Variants in DMD observed in about 807,000 individuals in gnomAD.
DMD encodes the protein dystrophin.
DMD carries 63 observed loss-of-function variants against 330.1 expected under a neutral mutation model. That is an observed-to-expected ratio of 0.19 (90% CI 0.16 to 0.24). The LOEUF is 0.24. DMD is among the 10% of genes least tolerant of loss of function. The pLI, the probability that DMD is intolerant of heterozygous loss-of-function variation, is 1.00. For synonymous variants in DMD, 1,223 were observed against 959.8 expected (o/e 1.27, Z -5.07); for missense variants, 3,344 against 2,684.1 (o/e 1.25, Z -5.43).
intron 9 of DMD, among the ~76,000 whole-genome samples, chrX:32,688,028 C>G (rs778061197): frequency 2.7e-5 from 3 of 110,745 alleles, no homozygotes; most frequent in East Asian, 5.7e-4. Flanking sequence ...CTTAAGAGGC[C>G]CTTCCTAAAG....
intron 54 of DMD, among the ~76,000 whole-genome samples, chrX:31,648,026 T>A (rs1475751154): frequency 8.9e-6 from 1 of 112,350 alleles, no homozygotes; most frequent in Non-Finnish European, 1.9e-5. Flanking sequence ...TTCCCCCATG[T>A]TTTTTATTGA....
intron 2 of DMD, among the ~76,000 whole-genome samples, chrX:32,927,982 T>C (rs1031197331): frequency 1.6e-4 from 18 of 111,514 alleles, no homozygotes; most frequent in Non-Finnish European, 3.4e-4. Context: ...TAGGCCAACA[T>C]GTATACACAA....
At chrX:32,461,380 T>G (rs2098382863) in intron 25 of DMD, among the ~76,000 whole-genome samples, 1 of 111,254 alleles carries the variant, frequency 9.0e-6, no homozygotes, top group African/African-American at 3.3e-5. Flanking sequence ...GGCTACAAAG[T>G]CAGAACATGG....
chrX:33,096,111 T>A (rs12858439), intron 1 of DMD, among the ~76,000 whole-genome samples: 4,223 of 107,681 alleles, frequency 0.039, 93 homozygotes, highest in Non-Finnish European at 0.064. Context: ...AGTAGCTGGG[T>A]CTACAGGCGC....
intron 45 of DMD, among the ~76,000 whole-genome samples, chrX:31,956,039 G>A (rs759321622): frequency 2.7e-5 from 3 of 111,781 alleles, no homozygotes; most frequent in African/African-American, 9.8e-5. Flanking sequence ...CTAAAGTGTT[G>A]TGTAGATCTT....
chrX:31,394,484 T>G lies in DMD; in HGVS notation c.9085-45850A>C, dbSNP rs753592412. Among the ~76,000 whole-genome samples, 42 of 112,496 alleles carry G rather than the reference T, an allele frequency of 3.7e-4. 1 individual carries two copies. The highest frequency in any genetic ancestry group is 1.0e-3 in the Admixed American group (11 of 10,617). ...AGGACACATTTTTAAACTAGTGCAT[T>G]TTTCTCTTACAATTAAATCGATATT... On this transcript the variant is annotated intron_variant, in intron 60 of 78. Transcript: ENST00000357033.
intron 51 of DMD, among the ~76,000 whole-genome samples, chrX:31,755,584 G>C (rs1196463782): frequency 2.7e-5 from 3 of 111,568 alleles, no homozygotes; most frequent in African/African-American, 9.8e-5. Flanking sequence ...AGTTGGCCTT[G>C]CATAATAGTG....
intron 2 of DMD, among the ~76,000 whole-genome samples, chrX:32,870,983 AAAAAAC>A (rs1424708633): frequency 8.4e-5 from 4 of 47,387 alleles, no homozygotes; most frequent in Non-Finnish European, 1.5e-4. Flanking sequence ...AAAAAAAAAA[AAAAAAC>A]CACAAAACCC....
At chrX:32,651,543 T>C (rs573480911) in intron 9 of DMD, among the ~76,000 whole-genome samples, 2 of 112,096 alleles carry the variant, frequency 1.8e-5, no homozygotes, top group Admixed American at 9.5e-5. Flanking sequence ...CTCGTCTTCA[T>C]TACGTTGCTG....
At chrX:31,362,081 T>G (rs749560971) in intron 60 of DMD, among the ~76,000 whole-genome samples, 8 of 112,523 alleles carry the variant, frequency 7.1e-5, no homozygotes, top group Non-Finnish European at 1.5e-4. Flanking sequence ...GTCTTTTCCT[T>G]ACTGTATTGA....
chrX:32,500,094 T>G (rs1246984648), intron 19 of DMD, among the ~76,000 whole-genome samples: 1 of 110,706 alleles, frequency 9.0e-6, no homozygotes, highest in Non-Finnish European at 1.9e-5. Context: ...AAAATTTGAT[T>G]AACACAGTCA....
intron 7 of DMD, among the ~76,000 whole-genome samples, chrX:32,760,021 G>A (rs1221768738): frequency 1.8e-5 from 2 of 112,355 alleles, no homozygotes; most frequent in African/African-American, 3.2e-5. Flanking sequence ...AAGCAAAGAT[G>A]CTGAATAAAT....
chrX:31,148,864 C>A (rs190309373), intron 74 of DMD, among the ~76,000 whole-genome samples: 130 of 111,819 alleles, frequency 1.2e-3, no homozygotes, highest in African/African-American at 4.1e-3. Flanking sequence ...GCTGGATTGT[C>A]TTTTTCTTTT....
intron 62 of DMD, among the ~76,000 whole-genome samples, chrX:31,310,328 AC>A: frequency 9.2e-6 from 1 of 108,654 alleles, no homozygotes; most frequent in African/African-American, 3.3e-5. Context: ...TCCACCTTGA[AC>A]TTTTGCTGTG....
chrX:32,366,585 A>G (rs2097855389), intron 34 of DMD, among the ~76,000 whole-genome samples: 1 of 112,101 alleles, frequency 8.9e-6, no homozygotes, highest in Admixed American at 9.5e-5. Flanking sequence ...TTCTTAAGAA[A>G]AAAATTACAG....
At chrX:32,225,461 A>G (rs2147929980) in intron 43 of DMD, among the ~76,000 whole-genome samples, 1 of 111,760 alleles carries the variant, frequency 8.9e-6, no homozygotes, top group South Asian at 3.8e-4. Context: ...CCTCATCAGA[A>G]CATTTGATGT....
intron 50 of DMD, among the ~76,000 whole-genome samples, chrX:31,794,681 T>A (rs1467888813): frequency 1.8e-5 from 2 of 110,787 alleles, no homozygotes; most frequent in African/African-American, 6.5e-5. Context: ...AAGTATCACT[T>A]GCCTTGACAA....
chrX:33,248,788 G>A (rs1000769469), intron 1 of DMD, among the ~76,000 whole-genome samples: 1 of 112,291 alleles, frequency 8.9e-6, no homozygotes, highest in Non-Finnish European at 1.9e-5. Flanking sequence ...CTCTAATTTA[G>A]ATATGTTCTT....
chrX:33,091,796 A>G (rs191073836), intron 1 of DMD, among the ~76,000 whole-genome samples: 1 of 111,698 alleles, frequency 9.0e-6, no homozygotes, highest in African/African-American at 3.2e-5. Flanking sequence ...AATAAGCATA[A>G]TCTTTGCTTC....
Sources: allele counts gnomAD v4.1 joint callset (sites outside exome capture counted in the v4.1 genomes callset), GRCh38; gene constraint gnomAD v4.1.1; transcripts MANE v1.5; gene names NCBI Gene and HGNC (gene_info 2026-07-23, HGNC 2026-07-21).